Variants in CUX2 observed in about 807,000 individuals in gnomAD.
CUX2 encodes homeobox protein cut-like 2.
In CUX2, 40 loss-of-function variants were observed where a neutral mutation model predicts 144.8. That is an observed-to-expected ratio of 0.28 (90% CI 0.21 to 0.36). CUX2 has a LOEUF of 0.36. Among genes scored for constraint, CUX2 ranks in the 10% least tolerant of loss-of-function variants. The probability of loss-of-function intolerance (pLI) is 1.00; values close to 1 mark genes in which losing one functional copy is unlikely to be tolerated. For missense variants in CUX2, 1,615 were observed against 1,994.0 expected (o/e 0.81, Z 3.62); for synonymous variants, 827 against 875.6 (o/e 0.94, Z 0.98).
rs547561224 is a variant in CUX2 at position 111,061,097 on chromosome 12, T to C, written c.63+26857T>C. On this transcript the variant is annotated intron_variant, in intron 1 of 21. Transcript: ENST00000261726. This position sits in a 1 kb window ranked among gnomAD's most constrained non-coding sequence, Gnocchi z 4.2. ...GCTGTTCATGGGAGGCCTCCCCTCA[T>C]GGCTGTGGCCCTGCAGAGGCCAGCC... Among the ~76,000 whole-genome samples the C allele has an allele frequency of 3.9e-5, 6 of 152,164 alleles. No individual in the cohort carries two copies. Among genetic ancestry groups the C allele is most frequent in the South Asian group, 2.1e-4 (1 of 4,810 alleles).
chr12:111,243,686 T>C (rs1012627298), intron 3 of CUX2, among the ~76,000 whole-genome samples: 7 of 151,816 alleles, frequency 4.6e-5, no homozygotes, highest in Admixed American at 1.3e-4. Flanking sequence ...ACCTCTTAAG[T>C]AGAGTGATCA....
At position 111,304,055 on chromosome 12, in the gene CUX2, G is replaced by C. The variant is rs1886452719; in HGVS notation, c.754-155G>C. 1 of 599,058 alleles carries C rather than the reference G, an allele frequency of 1.7e-6. No individual in the cohort carries two copies. Among genetic ancestry groups the C allele is most frequent in the Non-Finnish European group, 3.0e-6 (1 of 334,852 alleles). The allele number at this position is 599,058 out of a possible 1,614,324, so 37.1% of individuals were successfully genotyped here. ...CAGCCCAGACAGGGCTCTGTGACTG[G>C]TCTTCATAGCTCCAGGACAGGGTCC... On this transcript the variant is annotated intron_variant, in intron 9 of 21. Transcript: ENST00000261726. The surrounding 1 kb of genome is among the most constrained non-coding windows in gnomAD (Gnocchi z 4.7).
At chr12:111,134,441 C>A (rs1187879598) in intron 1 of CUX2, among the ~76,000 whole-genome samples, 5 of 152,142 alleles carry the variant, frequency 3.3e-5, no homozygotes, top group Admixed American at 2.6e-4. Context: ...GAGTCATTAG[C>A]ATCTTTATAT....
chr12:111,253,310 C>T (rs1371073979), intron 3 of CUX2, among the ~76,000 whole-genome samples: 1 of 150,810 alleles, frequency 6.6e-6, no homozygotes, highest in Non-Finnish European at 1.5e-5. Flanking sequence ...CCCCCCGACT[C>T]ACCTCCCGAC....
chr12:111,082,964 AAG>A (rs886351548), intron 1 of CUX2, among the ~76,000 whole-genome samples: 1 of 152,068 alleles, frequency 6.6e-6, no homozygotes, highest in Non-Finnish European at 1.5e-5. Context: ...CTGTGCTGGA[AAG>A]AGTCTTCTAT....
chr12:111,108,332 T>C (rs1873733572), intron 1 of CUX2, among the ~76,000 whole-genome samples: 1 of 152,198 alleles, frequency 6.6e-6, no homozygotes. Context: ...TTTCCCTTTG[T>C]AACTAATAAG....
intron 1 of CUX2, among the ~76,000 whole-genome samples, chr12:111,048,200 T>A (rs1870089481): frequency 6.6e-6 from 1 of 152,138 alleles, no homozygotes; most frequent in African/African-American, 2.4e-5. Context: ...AGAAACGAGA[T>A]CCAATTTATG....
chr12:111,137,103 A>G (rs75841744), intron 1 of CUX2, among the ~76,000 whole-genome samples: 20 of 145,076 alleles, frequency 1.4e-4, no homozygotes, highest in African/African-American at 5.6e-4. Flanking sequence ...ACACCTGGCT[A>G]ATTTTTTTTT....
At chr12:111,239,645 CTT>C (rs988821482) in intron 3 of CUX2, among the ~76,000 whole-genome samples, 39 of 152,324 alleles carry the variant, frequency 2.6e-4, no homozygotes, top group African/African-American at 9.1e-4. Context: ...TGGTGGCAAT[CTT>C]TTCATCTCCT....
chr12:111,290,577 A>G (rs976648571), intron 4 of CUX2, among the ~76,000 whole-genome samples: 4 of 151,714 alleles, frequency 2.6e-5, no homozygotes, highest in African/African-American at 9.7e-5. Flanking sequence ...ACAGGTGCCC[A>G]CCACCACACC....
intron 1 of CUX2, among the ~76,000 whole-genome samples, chr12:111,182,032 C>T (rs75313929): frequency 0.013 from 1,954 of 152,068 alleles, 47 homozygotes; most frequent in African/African-American, 0.045. Flanking sequence ...GGAGGGGAGG[C>T]GCACAGGGAG....
At chr12:111,043,189 G>A (rs1471890014) in intron 1 of CUX2, among the ~76,000 whole-genome samples, 2 of 152,168 alleles carry the variant, frequency 1.3e-5, no homozygotes, top group African/African-American at 4.8e-5. Context: ...GCCATGGGAC[G>A]AGTGGATGCA....
intron 1 of CUX2, among the ~76,000 whole-genome samples, chr12:111,137,936 G>A (rs1592930964): frequency 6.6e-6 from 1 of 152,358 alleles, no homozygotes; most frequent in East Asian, 1.9e-4. Context: ...ACAGAATCAG[G>A]TCACCTGAGT....
At chr12:111,189,087 C>T (rs908571975) in intron 1 of CUX2, among the ~76,000 whole-genome samples, 1 of 151,998 alleles carries the variant, frequency 6.6e-6, no homozygotes, top group African/African-American at 2.4e-5. Context: ...TGAGACCAGC[C>T]GGGGCAAAGT....
intron 1 of CUX2, among the ~76,000 whole-genome samples, chr12:111,165,460 G>A (rs570430080): frequency 1.3e-5 from 2 of 152,292 alleles, no homozygotes; most frequent in Admixed American, 1.3e-4. Context: ...CTACCAAGAC[G>A]GTCAGTGTTA....
intron 1 of CUX2, among the ~76,000 whole-genome samples, chr12:111,180,827 G>A (rs982069776): frequency 6.6e-6 from 1 of 152,114 alleles, no homozygotes; most frequent in South Asian, 2.1e-4. Context: ...GCTCCCCTGA[G>A]TTATTGAGGG....
At chr12:111,341,693 T>G in intron 20 of CUX2, 87 bp from the exon 21 acceptor site, 2 of 1,441,344 alleles carry the variant, frequency 1.4e-6, no homozygotes, top group Non-Finnish European at 9.3e-7. Flanking sequence ...GCCTGACAGA[T>G]GCACTCCCAC....
At chr12:111,069,357 CCCTCTTCCGT>C (rs959998159) in intron 1 of CUX2, among the ~76,000 whole-genome samples, 2 of 152,088 alleles carry the variant, frequency 1.3e-5, no homozygotes, top group Non-Finnish European at 2.9e-5. Context: ...AGTATTTTCT[CCCTCTTCCGT>C]GCTCTTCCCC....
chr12:111,108,081 T>C (rs1259351989), intron 1 of CUX2, among the ~76,000 whole-genome samples: 1 of 152,238 alleles, frequency 6.6e-6, no homozygotes, highest in Non-Finnish European at 1.5e-5. Flanking sequence ...TCTTCAGTCT[T>C]CTTTTGTCTT....
Sources: allele counts gnomAD v4.1 joint callset (sites outside exome capture counted in the v4.1 genomes callset), GRCh38; gene constraint gnomAD v4.1.1; non-coding constraint Gnocchi (gnomAD v3.1); transcripts MANE v1.5; gene names NCBI Gene and HGNC (gene_info 2026-07-23, HGNC 2026-07-21).